Variants in PRSS3 observed in about 807,000 individuals in gnomAD.
PRSS3 encodes serine protease 3, also known as trypsin-3.
Under a neutral mutation model 20.8 loss-of-function variants are expected in PRSS3, and 14 were observed. That is an observed-to-expected ratio of 0.67 (90% CI 0.44 to 1.05). The LOEUF is 1.05. Ranked by LOEUF, PRSS3 falls within the 50% of genes least tolerant of loss-of-function variation. The probability of loss-of-function intolerance (pLI) is 0.00; values close to 1 mark genes in which losing one functional copy is unlikely to be tolerated. For synonymous variants in PRSS3, 91 were observed against 117.6 expected (o/e 0.77, Z 1.46); for missense variants, 237 against 306.4 (o/e 0.77, Z 1.69).
intron 1 of PRSS3, among the ~76,000 whole-genome samples, 197 bp downstream of exon 1, chr9:33,795,810 A>G (rs2075584): frequency 0.19 from 29,449 of 151,392 alleles, 1,616 homozygotes; most frequent in East Asian, 0.5. Flanking sequence ...CACTCCCACC[A>G]CTGTCATTCA....
Position 33,788,879 on chromosome 9 carries a change from A to ATTTC in PRSS3, c.-52-5863_-52-5860dup, listed in dbSNP as rs577716183. ...GCTTCTCTATGCTACAATCTGGGTA[A>ATTTC]TTTCTTTAAAACTACTGTTTAGTTT... On this transcript the variant is annotated intron_variant, in intron 1 of 5. Transcript: ENST00000342836. Among the ~76,000 whole-genome samples, 109 of 152,088 alleles carry ATTTC rather than the reference A, an allele frequency of 7.2e-4. 2 individuals carry two copies. The South Asian group carries it at 0.022, about 31-fold the overall frequency.
At position 33,753,579 on chromosome 9, in the gene PRSS3, A is replaced by G. The variant is rs77094616; in HGVS notation, c.-53+2852A>G. ...CCCTGAATCCCAGCCTGAAATGCCT[A>G]TGTACCTTCTGTTCTAACTGTAGCC... On this transcript the variant is annotated intron_variant, in intron 1 of 5. Transcript: ENST00000342836. 5.8e-3 allele frequency among the ~76,000 whole-genome samples: 878 copies of G among 152,354 alleles called. 10 individuals are homozygous for G. The highest frequency in any genetic ancestry group is 7.1e-3 in the Non-Finnish European group (486 of 68,034).
chr9:33,756,619 T>C (rs1822964381), intron 1 of PRSS3, among the ~76,000 whole-genome samples: 1 of 152,208 alleles, frequency 6.6e-6, no homozygotes, highest in African/African-American at 2.4e-5. Context: ...TTAGTTCTAA[T>C]AAATCTTCCA....
intron 2 of PRSS3, 103 bp from the exon 3 acceptor site, chr9:33,797,726 T>TC: frequency 1.9e-6 from 3 of 1,607,274 alleles, no homozygotes; most frequent in Non-Finnish European, 2.5e-6. Flanking sequence ...ACCCCATGCC[T>TC]CCAGAGCTAT....
At chr9:33,774,247 A>AT (rs1425286749) in intron 1 of PRSS3, among the ~76,000 whole-genome samples, 1 of 152,208 alleles carries the variant, frequency 6.6e-6, no homozygotes, top group Non-Finnish European at 1.5e-5. Context: ...CACGTGTTCC[A>AT]TAATGTAGCT....
chr9:33,794,754 G>A (rs764496479), upstream of PRSS3: 9 of 1,548,652 alleles, frequency 5.8e-6, no homozygotes, highest in African/African-American at 4.1e-5. Context: ...AGGTTGCCAG[G>A]ACAACCGTGA....
chr9:33,782,426 TA>T (rs1483392282), intron 1 of PRSS3, among the ~76,000 whole-genome samples: 1 of 152,170 alleles, frequency 6.6e-6, no homozygotes, highest in Non-Finnish European at 1.5e-5. Context: ...GTATCTAAAA[TA>T]AAAGTTGAAA....
chr9:33,789,564 A>G (rs1159764322), intron 1 of PRSS3, among the ~76,000 whole-genome samples: 4 of 152,164 alleles, frequency 2.6e-5, no homozygotes, highest in Non-Finnish European at 5.9e-5. Context: ...AGTGATTCCT[A>G]TCTAGTTTCT....
intron 1 of PRSS3, among the ~76,000 whole-genome samples, chr9:33,767,519 A>G (rs10814045): frequency 0.37 from 55,782 of 151,314 alleles, 10,418 homozygotes; most frequent in African/African-American, 0.42. Context: ...AATATGACTG[A>G]TATCCTTTAA....
chr9:33,760,182 T>A (rs1587370004), intron 1 of PRSS3, among the ~76,000 whole-genome samples: 1 of 53,350 alleles, frequency 1.9e-5, no homozygotes. Context: ...ATATGTAAGG[T>A]TTTTTTTTTT....
At chr9:33,788,700 C>T (rs1280697382) in intron 1 of PRSS3, among the ~76,000 whole-genome samples, 1 of 152,166 alleles carries the variant, frequency 6.6e-6, no homozygotes, top group Non-Finnish European at 1.5e-5. Flanking sequence ...AAGGGAAATC[C>T]TCTCGGGGCC....
chr9:33,752,051 CTGA>C (rs1195870238), intron 1 of PRSS3, among the ~76,000 whole-genome samples: 8 of 152,176 alleles, frequency 5.3e-5, no homozygotes, highest in African/African-American at 1.9e-4. Context: ...ATTATTTGTT[CTGA>C]TATTACAGGA....
intron 1 of PRSS3, among the ~76,000 whole-genome samples, chr9:33,756,834 G>T (rs1222006081): frequency 1.3e-5 from 2 of 152,144 alleles, no homozygotes; most frequent in African/African-American, 4.8e-5. Flanking sequence ...TACAATGTCT[G>T]TGTCTATTTT....
chr9:33,762,752 G>C (rs1450143279), intron 1 of PRSS3, among the ~76,000 whole-genome samples: 2 of 152,180 alleles, frequency 1.3e-5, no homozygotes, highest in Non-Finnish European at 2.9e-5. Flanking sequence ...ATGTTAAACA[G>C]TAATTCTGCC....
Position 33,750,858 on chromosome 9 carries a change from C to T in PRSS3, c.-53+131C>T, listed in dbSNP as rs1013888233. ...CATGGGACCTGCGGGGGAGGGTACG[C>T]GGACAGGGAGGGGATACCGACTGGG... is the stretch of plus-strand genomic sequence containing the variant. On this transcript the variant is annotated intron_variant, in intron 1 of 5. Transcript: ENST00000342836. This position sits in a 1 kb window ranked among gnomAD's most constrained non-coding sequence, Gnocchi z 4.8. The T allele has an allele frequency of 4.4e-6, 6 of 1,364,250 alleles. No individual in the cohort carries two copies. In the African/African-American group the frequency reaches 7.7e-5, roughly 17 times the overall value. The allele number at this position is 1,364,250 out of a possible 1,614,324, so 84.5% of individuals were successfully genotyped here.
At chr9:33,765,390 T>C (rs1823370676) in intron 1 of PRSS3, among the ~76,000 whole-genome samples, 1 of 152,230 alleles carries the variant, frequency 6.6e-6, no homozygotes, top group African/African-American at 2.4e-5. Flanking sequence ...GAAGATTCAT[T>C]TTTACTGTAG....
chr9:33,760,766 AT>A (rs1267328932), intron 1 of PRSS3, among the ~76,000 whole-genome samples: 8 of 147,792 alleles, frequency 5.4e-5, no homozygotes, highest in East Asian at 2.0e-4. Flanking sequence ...AAAAAAAAAA[AT>A]TAGGACCCTG....
chr9:33,780,127 G>C (rs1360225986), intron 1 of PRSS3, among the ~76,000 whole-genome samples: 2 of 151,888 alleles, frequency 1.3e-5, no homozygotes, highest in Non-Finnish European at 2.9e-5. Context: ...GATTCACCAA[G>C]GTCAAGGTAA....
At chr9:33,792,885 G>C (rs1824698184), upstream of PRSS3, among the ~76,000 whole-genome samples, 1 of 152,224 alleles carries the variant, frequency 6.6e-6, no homozygotes, top group South Asian at 2.1e-4. Context: ...AAGCCAGAAA[G>C]ATGTCTTAGA....
Sources: allele counts gnomAD v4.1 joint callset (sites outside exome capture counted in the v4.1 genomes callset), GRCh38; gene constraint gnomAD v4.1.1; non-coding constraint Gnocchi (gnomAD v3.1); transcripts MANE v1.5; gene names NCBI Gene and HGNC (gene_info 2026-07-23, HGNC 2026-07-21).